The following EPM2A variants were observed in gnomAD, a reference collection of about 807,000 sequenced individuals.
EPM2A encodes EPM2A glucan phosphatase, laforin.
EPM2A carries 21 observed loss-of-function variants against 26.5 expected under a neutral mutation model. That is an observed-to-expected ratio of 0.79 (90% CI 0.56 to 1.14). The LOEUF (loss-of-function observed/expected upper bound fraction) is 1.14. EPM2A is among the 50% of genes most tolerant of loss of function. The probability of loss-of-function intolerance (pLI) is 0.00; values close to 1 mark genes in which losing one functional copy is unlikely to be tolerated. For synonymous variants in EPM2A, 217 were observed against 177.6 expected (o/e 1.22, Z -1.76); for missense variants, 458 against 440.8 (o/e 1.04, Z -0.35).
intron 2 of EPM2A, among the ~76,000 whole-genome samples, chr6:145,605,644 T>A (rs1775230412): frequency 1.3e-5 from 2 of 152,120 alleles, no homozygotes; most frequent in African/African-American, 4.8e-5. Context: ...AAGAGAATAT[T>A]CTTAAGCAGA....
intron 3 of EPM2A, chr6:145,632,323 GA>G (rs1347434833): frequency 6.6e-6 from 1 of 152,214 alleles, no homozygotes; most frequent in Admixed American, 6.5e-5. Flanking sequence ...AGGACTTCAT[GA>G]AGCCTGTGAA....
intron 2 of EPM2A, among the ~76,000 whole-genome samples, chr6:145,564,011 A>C (rs974569492): frequency 6.6e-6 from 1 of 152,226 alleles, no homozygotes; most frequent in African/African-American, 2.4e-5. Flanking sequence ...TAATCTATGC[A>C]TATCCTATCA....
intron 4 of EPM2A, among the ~76,000 whole-genome samples, chr6:145,477,987 A>G (rs1028897188): frequency 6.6e-6 from 1 of 151,624 alleles, no homozygotes; most frequent in Non-Finnish European, 1.5e-5. Flanking sequence ...AAGAAGTCAA[A>G]TTATCCTTGT....
intron 2 of EPM2A, chr6:145,680,165 G>C (rs1203875034): frequency 6.6e-6 from 1 of 151,856 alleles, no homozygotes; most frequent in Non-Finnish European, 1.5e-5. Context: ...GGTTGGGTGG[G>C]GGAAAGAAGA....
Position 145,627,412 on chromosome 6 carries a change from C to G in EPM2A, c.*4G>C. On this transcript the variant is annotated 3_prime_UTR_variant, in exon 4 of 4. Transcript: ENST00000367519. Reference sequence around the variant, plus strand: ...TCAGGAGGGGGCAGAAGCAGGCTGACCAGCTACAGGCTACACACAGAAGAA... The same window carrying G: ...TCAGGAGGGGGCAGAAGCAGGCTGAGCAGCTACAGGCTACACACAGAAGAA... The G allele has an allele frequency of 6.2e-7, 1 of 1,614,150 alleles. No homozygotes were observed. Among genetic ancestry groups the G allele is most frequent in the Non-Finnish European group, 8.5e-7 (1 of 1,180,046 alleles).
At chr6:145,493,560 T>C (rs998004287) in intron 4 of EPM2A, among the ~76,000 whole-genome samples, 3 of 152,198 alleles carry the variant, frequency 2.0e-5, no homozygotes, top group Non-Finnish European at 4.4e-5. Context: ...ATCCTTGCCT[T>C]GTGCCTGTTT....
At chr6:145,682,569 C>T (rs1179266428) in intron 2 of EPM2A, 1 of 152,124 alleles carries the variant, frequency 6.6e-6, no homozygotes, top group African/African-American at 2.4e-5. Context: ...TGTATTGCAG[C>T]TGTTTACATG....
At chr6:145,732,645 A>C (rs2128646237) in intron 1 of EPM2A, among the ~76,000 whole-genome samples, 1 of 152,316 alleles carries the variant, frequency 6.6e-6, no homozygotes, top group Admixed American at 6.5e-5. Flanking sequence ...TCCAAATATG[A>C]AGTAAAACAA....
chr6:145,526,944 T>C (rs1424593324), intron 2 of EPM2A, among the ~76,000 whole-genome samples: 1 of 151,942 alleles, frequency 6.6e-6, no homozygotes, highest in East Asian at 1.9e-4. Context: ...TTTTTCTTAA[T>C]ACTGCTTTTG....
chr6:145,676,857 G>T (rs545732515), intron 2 of EPM2A, among the ~76,000 whole-genome samples: 1 of 152,214 alleles, frequency 6.6e-6, no homozygotes, highest in African/African-American at 2.4e-5. Context: ...GGTACAAAGA[G>T]GAGCTGGTAT....
chr6:145,514,496 C>T (rs1281109710), intron 2 of EPM2A, among the ~76,000 whole-genome samples: 1 of 152,098 alleles, frequency 6.6e-6, no homozygotes, highest in African/African-American at 2.4e-5. Flanking sequence ...TGTACATTTA[C>T]TAAAAACTGT....
At chr6:145,497,443 T>C (rs1436300577), downstream of EPM2A, among the ~76,000 whole-genome samples, 2 of 152,162 alleles carry the variant, frequency 1.3e-5, no homozygotes, top group Non-Finnish European at 2.9e-5. Context: ...GGTACAGACA[T>C]GTTGCCAGCC....
chr6:145,390,884 G>A lies in EPM2A; in HGVS notation c.556-6787C>T, dbSNP rs554433306. Among the ~76,000 whole-genome samples the A allele has an allele frequency of 2.0e-5, 3 of 152,110 alleles. No homozygotes were observed. The East Asian group carries it at 5.8e-4, about 29-fold the overall frequency. ...TTTCACCTTCTTTCCATCTCAATATGCAATTCCTAGGAAAGAGATTCGTTC... is the reference window on the plus strand; with the variant it reads ...TTTCACCTTCTTTCCATCTCAATATACAATTCCTAGGAAAGAGATTCGTTC... On this transcript the variant is annotated intron_variant, in intron 4 of 4. Coordinates refer to the EPM2A transcript ENST00000638717.
chr6:145,483,248 C>T (rs12197582), intron 4 of EPM2A, among the ~76,000 whole-genome samples: 12,721 of 152,090 alleles, frequency 0.084, 599 homozygotes, highest in Middle Eastern at 0.14. Context: ...TTCTGTAGCA[C>T]ATAAGCCAAG....
chr6:145,561,087 C>T (rs1477189982), intron 2 of EPM2A, among the ~76,000 whole-genome samples: 1 of 151,600 alleles, frequency 6.6e-6, no homozygotes, highest in Non-Finnish European at 1.5e-5. Context: ...TTGTGTGGGG[C>T]AGTCCTGCAA....
At chr6:145,505,168 T>C (rs7452635) in intron 2 of EPM2A, among the ~76,000 whole-genome samples, 65,877 of 142,062 alleles carry the variant, frequency 0.46, 15,378 homozygotes, top group South Asian at 0.58. Context: ...GTGGGTGCAG[T>C]GCACCAGCAT....
chr6:145,659,538 T>C (rs1333018692), intron 2 of EPM2A, among the ~76,000 whole-genome samples: 2 of 152,204 alleles, frequency 1.3e-5, no homozygotes, highest in Non-Finnish European at 2.9e-5. Context: ...AATTGTTCCT[T>C]AAAATTAAAT....
At chr6:145,689,507 G>A (rs1401723319) in intron 1 of EPM2A, among the ~76,000 whole-genome samples, 1 of 152,192 alleles carries the variant, frequency 6.6e-6, no homozygotes, top group African/African-American at 2.4e-5. Context: ...TGAGTTCCCT[G>A]CATTTTCTTT....
chr6:145,578,904 C>G (rs1346578931), intron 2 of EPM2A, among the ~76,000 whole-genome samples: 3 of 151,838 alleles, frequency 2.0e-5, no homozygotes, highest in Non-Finnish European at 2.9e-5. Flanking sequence ...ATAATTTGCT[C>G]ATATCCTTCG....
Sources: gnomAD v4.1 joint callset for allele counts (sites outside exome capture counted in the v4.1 genomes callset) on GRCh38, gnomAD v4.1.1 for gene constraint, MANE v1.5 for transcripts, NCBI Gene and HGNC (gene_info 2026-07-23, HGNC 2026-07-21) for gene names.